F8: variants seen among roughly 807,000 people sequenced by gnomAD.
F8 encodes the protein coagulation factor VIII.
F8 carries 12 observed loss-of-function variants against 140.6 expected under a neutral mutation model. That is an observed-to-expected ratio of 0.09 (90% confidence interval 0.05 to 0.14). The LOEUF is 0.14. Among genes scored for constraint, F8 ranks in the 10% least tolerant of loss-of-function variants. The probability of loss-of-function intolerance (pLI) is 1.00; values close to 1 mark genes in which losing one functional copy is unlikely to be tolerated. For missense variants in F8, 1,354 were observed against 1,720.7 expected, an observed-to-expected ratio of 0.79 and a Z score of 3.77; for synonymous variants, 585 against 614.6, an observed-to-expected ratio of 0.95 and a Z score of 0.71.
At chrX:154,919,847 G>T in intron 14 of F8, 1 of 252,525 alleles carries the variant, frequency 4.0e-6, no homozygotes. Flanking sequence ...TCAGAAGGCA[G>T]AATCAGTTCC....
rs782661155 is a variant in F8 at position 154,985,661 on chromosome X, C to T, written c.671-858G>A. On this transcript the variant is annotated intron_variant, in intron 5 of 25. Coordinates refer to ENST00000360256, the MANE Select transcript of F8 (RefSeq NM_000132.4). ...TTGTGTGAAGGACTGGTAGCTAGTG[C>T]TAAAACTTTATGAGGCAGCCATTCA... 1.3e-4 allele frequency among the ~76,000 whole-genome samples: 15 copies of T among 111,965 alleles called. No individual in the cohort carries two copies. The South Asian group carries it at 5.2e-3, about 39-fold the overall frequency.
chrX:155,009,698 G>C (rs1019052092), intron 1 of F8, among the ~76,000 whole-genome samples: 4 of 110,718 alleles, frequency 3.6e-5, no homozygotes, highest in Non-Finnish European at 5.7e-5. Context: ...TCATGCCACT[G>C]CACTCCAGCC....
At chrX:154,920,303 A>G (rs2073122225) in intron 14 of F8, 1 of 107,294 alleles carries the variant, frequency 9.3e-6, no homozygotes, top group Admixed American at 1.0e-4. Flanking sequence ...TATGCTTTGG[A>G]CCTTTTTAAA....
intron 25 of F8, among the ~76,000 whole-genome samples, chrX:154,856,131 T>C (rs1557272452): frequency 8.9e-6 from 1 of 112,286 alleles, no homozygotes; most frequent in Non-Finnish European, 1.9e-5. Context: ...CCTGGTTTAA[T>C]GTAGAAGAAA....
chrX:154,968,037 T>G (rs1056354523), intron 7 of F8, among the ~76,000 whole-genome samples: 1 of 111,894 alleles, frequency 8.9e-6, no homozygotes, highest in Non-Finnish European at 1.9e-5. Context: ...GAAATGCTAT[T>G]AAATATAAAA....
chrX:154,867,539 T>G (rs782044648), intron 22 of F8, among the ~76,000 whole-genome samples: 49 of 108,016 alleles, frequency 4.5e-4, no homozygotes, highest in Non-Finnish European at 7.7e-4. Flanking sequence ...AATACAAAAA[T>G]TAGCTGGGTG....
At position 154,999,474 on chromosome X, in the gene F8, A is replaced by C; in HGVS notation, c.265+5T>G. The C allele has an allele frequency of 1.7e-6, 2 of 1,205,124 alleles. No homozygotes were observed. Among genetic ancestry groups the C allele is most frequent in the Non-Finnish European group, 2.2e-6 (2 of 890,936 alleles). ...ATAAATAGCATTCAACATTGTTTTC[A>C]TTACCCATCCAGGGTGGCCTTGGCT... On this transcript the variant is annotated splice_donor_5th_base_variant and intron_variant, in intron 2 of 25. Coordinates refer to ENST00000360256, the MANE Select transcript of F8 (RefSeq NM_000132.4).
intron 25 of F8, among the ~76,000 whole-genome samples, chrX:154,846,503 C>A (rs1557271757): frequency 1.8e-5 from 2 of 112,152 alleles, no homozygotes; most frequent in African/African-American, 6.5e-5. Flanking sequence ...ATAGTTAGCT[C>A]TTCTTGTTGA....
intron 6 of F8, among the ~76,000 whole-genome samples, chrX:154,984,351 T>C (rs782437477): frequency 3.0e-4 from 34 of 112,238 alleles, no homozygotes; most frequent in African/African-American, 1.0e-3. Context: ...ATAGCTTTTT[T>C]TATTCTGGGA....
intron 1 of F8, among the ~76,000 whole-genome samples, chrX:155,003,960 CAAA>C (rs869097926): frequency 2.4e-4 from 8 of 33,177 alleles, no homozygotes; most frequent in African/African-American, 9.9e-4. Context: ...GATTCTGTCT[CAAA>C]AAAAAAAAAA....
chrX:154,903,181 T>C (rs1291241081), intron 18 of F8, among the ~76,000 whole-genome samples: 1 of 101,960 alleles, frequency 9.8e-6, no homozygotes, highest in Non-Finnish European at 2.0e-5. Context: ...AACTGGATGG[T>C]TTTTTTTTTT....
intron 1 of F8, among the ~76,000 whole-genome samples, chrX:155,005,235 C>T (rs1223178832): frequency 8.9e-6 from 1 of 111,803 alleles, no homozygotes; most frequent in Non-Finnish European, 1.9e-5. Flanking sequence ...GTAACCGATC[C>T]TGATCATCAG....
intron 13 of F8, 114 bp downstream of exon 13, chrX:154,947,584 C>T: frequency 1.6e-6 from 1 of 606,535 alleles, no homozygotes; most frequent in Non-Finnish European, 2.8e-6. Context: ...GATCCCTGTA[C>T]CTCAAGGAAG....
At position 154,999,518 on chromosome X, in the gene F8, G is replaced by A; in HGVS notation, c.226C>T (p.His76Tyr). The A allele has an allele frequency of 8.3e-7, 1 of 1,208,748 alleles. No individual in the cohort carries two copies. Among genetic ancestry groups the A allele is most frequent in the Non-Finnish European group, 1.1e-6 (1 of 893,333 alleles). The change falls in exon 2 of 26, where the codon CAC becomes TAC. Residue 76 changes from histidine to tyrosine, a missense_variant. Physicochemically the swap from His to Tyr is moderately conservative, Grantham distance 83 (BLOSUM62 2). Transcript: ENST00000360256. ...KKTLFVEFTD[H>Y]LFNIAKPRPP... The stretch of plus-strand genomic sequence containing the variant: ...CTTGGCTTAGCGATGTTGAAAAGGT[G>A]ATCCGTGAATTCTACAAACAGAGTC...
At chrX:154,956,153 G>T (rs781973442) in intron 11 of F8, among the ~76,000 whole-genome samples, 2 of 112,316 alleles carry the variant, frequency 1.8e-5, no homozygotes, top group African/African-American at 6.5e-5. Context: ...GCCTGGCCCT[G>T]CAGGCAGTCA....
At chrX:154,960,896 G>A (rs2073392007) in intron 10 of F8, among the ~76,000 whole-genome samples, 179 bp downstream of exon 10, 1 of 111,954 alleles carries the variant, frequency 8.9e-6, no homozygotes, top group Non-Finnish European at 1.9e-5. Context: ...GACTCTTCAC[G>A]AATTTACATG....
At chrX:154,938,057 G>C (rs1404390969) in intron 13 of F8, among the ~76,000 whole-genome samples, 1 of 112,074 alleles carries the variant, frequency 8.9e-6, no homozygotes, top group Non-Finnish European at 1.9e-5. Context: ...TAAGAGATCA[G>C]GGGTTGGCAA....
chrX:154,893,993 A>G (rs1557275434), intron 22 of F8, among the ~76,000 whole-genome samples: 1 of 112,037 alleles, frequency 8.9e-6, no homozygotes, highest in African/African-American at 3.3e-5. Flanking sequence ...GGTCTCCACA[A>G]TGTTTATCTT....
intron 14 of F8, chrX:154,918,990 G>A (rs782255539): frequency 3.6e-5 from 4 of 111,444 alleles, no homozygotes; most frequent in African/African-American, 1.3e-4. Context: ...ATTTTTCAAT[G>A]GTTCCTTTGT....
Sources: gnomAD v4.1 joint callset for allele counts (sites outside exome capture counted in the v4.1 genomes callset) on GRCh38, gnomAD v4.1.1 for gene constraint, MANE v1.5 for transcripts, NCBI Gene and HGNC (gene_info 2026-07-23, HGNC 2026-07-21) for gene names.